The following DAB1 variants were observed in gnomAD, a reference collection of about 807,000 sequenced individuals.
The protein encoded by DAB1 is disabled homolog 1.
In DAB1, 15 loss-of-function variants were observed where a neutral mutation model predicts 64.6. The ratio of observed to expected loss-of-function variants is 0.23; its 90% confidence interval spans 0.16 to 0.36. The LOEUF is 0.36. DAB1 is among the 10% of genes least tolerant of loss of function. The pLI, the probability that DAB1 is intolerant of heterozygous loss-of-function variation, is 1.00. For synonymous variants in DAB1, 235 were observed against 251.9 expected (o/e 0.93, Z 0.64); for missense variants, 596 against 706.7 (o/e 0.84, Z 1.78).
At chr1:57,070,442 G>A (rs1651345590) in intron 7 of DAB1, among the ~76,000 whole-genome samples, 1 of 152,160 alleles carries the variant, frequency 6.6e-6, no homozygotes, top group Non-Finnish European at 1.5e-5. Context: ...CCACTGAGCT[G>A]CAGATCTTGA....
intron 5 of DAB1, among the ~76,000 whole-genome samples, chr1:57,959,723 G>A (rs1022763040): frequency 1.3e-5 from 2 of 152,150 alleles, no homozygotes; most frequent in Non-Finnish European, 2.9e-5. Context: ...CAGCATCTTT[G>A]CACTCCTTGC....
chr1:58,486,053 C>G (rs1645571023), intron 3 of DAB1, among the ~76,000 whole-genome samples: 1 of 152,200 alleles, frequency 6.6e-6, no homozygotes, highest in African/African-American at 2.4e-5. Context: ...ATCTACTGTT[C>G]ACTTTCTATG....
At chr1:57,309,834 G>A (rs2100728730) in intron 1 of DAB1, among the ~76,000 whole-genome samples, 1 of 152,340 alleles carries the variant, frequency 6.6e-6, no homozygotes, top group Non-Finnish European at 1.5e-5. Context: ...CACAAAGAAG[G>A]AAGGACAAAG....
At chr1:58,120,523 C>G (rs61779197) in intron 5 of DAB1, among the ~76,000 whole-genome samples, 2 of 152,154 alleles carry the variant, frequency 1.3e-5, no homozygotes, top group Non-Finnish European at 2.9e-5. Context: ...TATGCCAACA[C>G]CCTTAAGAAA....
At chr1:58,179,511 T>C (rs1656664605) in intron 4 of DAB1, among the ~76,000 whole-genome samples, 1 of 152,154 alleles carries the variant, frequency 6.6e-6, no homozygotes, top group Non-Finnish European at 1.5e-5. Context: ...CTCATTTTCT[T>C]TGCTTGTTTT....
At chr1:58,371,166 T>G (rs945586230) in intron 3 of DAB1, among the ~76,000 whole-genome samples, 5 of 152,208 alleles carry the variant, frequency 3.3e-5, no homozygotes, top group Non-Finnish European at 7.3e-5. Context: ...GATAGTGATA[T>G]GGACAATGAA....
intron 7 of DAB1, among the ~76,000 whole-genome samples, chr1:57,632,440 T>C (rs1390949971): frequency 6.6e-6 from 1 of 152,192 alleles, no homozygotes; most frequent in African/African-American, 2.4e-5. Flanking sequence ...ATCAGTACTC[T>C]ATGAGACTAG....
chr1:57,134,602 G>C (rs1218143799), intron 4 of DAB1, among the ~76,000 whole-genome samples: 5 of 146,824 alleles, frequency 3.4e-5, no homozygotes, highest in South Asian at 4.4e-4. Flanking sequence ...AGAATAATTT[G>C]TACAACAAAC....
At position 58,195,982 on chromosome 1, in the gene DAB1, C is replaced by T. The variant is rs550680588; in HGVS notation, n.310-45394G>A. Among the ~76,000 whole-genome samples the T allele has an allele frequency of 1.2e-3, 180 of 152,244 alleles. 3 individuals carry two copies. The South Asian group carries it at 0.014, about 12-fold the overall frequency. Reference sequence around the variant, plus strand: ...TCAGAAACTATCTGACTCCTTTACCCTTAAGAATTATTCTCTCCAGCCCCT... The same window carrying T: ...TCAGAAACTATCTGACTCCTTTACCTTTAAGAATTATTCTCTCCAGCCCCT... On this transcript the variant is annotated intron_variant and non_coding_transcript_variant, in intron 4 of 20. Transcript: ENST00000485760.
intron 7 of DAB1, among the ~76,000 whole-genome samples, chr1:57,532,173 C>T (rs1186157077): frequency 6.6e-6 from 1 of 152,070 alleles, no homozygotes; most frequent in Non-Finnish European, 1.5e-5. Flanking sequence ...GGTAACATTT[C>T]TCTTAGCAGT....
At chr1:58,120,713 C>T (rs994044700) in intron 5 of DAB1, among the ~76,000 whole-genome samples, 1 of 152,112 alleles carries the variant, frequency 6.6e-6, no homozygotes, top group Admixed American at 6.5e-5. Context: ...GAATTCAATA[C>T]TGAAATCAAT....
At chr1:57,262,389 C>T (rs1670246744) in intron 2 of DAB1, among the ~76,000 whole-genome samples, 1 of 152,180 alleles carries the variant, frequency 6.6e-6, no homozygotes, top group Non-Finnish European at 1.5e-5. Flanking sequence ...ACATTGGGTG[C>T]CATGGTTAAT....
chr1:57,429,722 C>T (rs1231118482), intron 7 of DAB1, among the ~76,000 whole-genome samples: 1 of 152,212 alleles, frequency 6.6e-6, no homozygotes, highest in East Asian at 1.9e-4. Context: ...GCAGTTTTCC[C>T]AACACCATTT....
At chr1:58,381,076 T>C (rs1229896987) in intron 3 of DAB1, among the ~76,000 whole-genome samples, 1 of 152,150 alleles carries the variant, frequency 6.6e-6, no homozygotes, top group Non-Finnish European at 1.5e-5. Context: ...TTTTCACTTA[T>C]AATTGGGAAC....
intron 7 of DAB1, among the ~76,000 whole-genome samples, chr1:57,443,932 G>A (rs1200217867): frequency 1.3e-5 from 2 of 152,250 alleles, no homozygotes; most frequent in South Asian, 2.1e-4. Flanking sequence ...TGATGATAAC[G>A]TGTTGAAAAC....
chr1:57,342,019 C>T (rs1677629830), intron 1 of DAB1, among the ~76,000 whole-genome samples: 1 of 152,224 alleles, frequency 6.6e-6, no homozygotes, highest in African/African-American at 2.4e-5. Flanking sequence ...ATCCTGAACA[C>T]AGCCCTTTGG....
intron 3 of DAB1, among the ~76,000 whole-genome samples, chr1:58,421,683 T>C (rs917087182): frequency 1.3e-5 from 2 of 152,086 alleles, no homozygotes; most frequent in African/African-American, 4.8e-5. Context: ...CCAGATGACA[T>C]ACTTGAAGAG....
chr1:58,211,497 G>C (rs1393193862), intron 4 of DAB1, among the ~76,000 whole-genome samples: 1 of 152,104 alleles, frequency 6.6e-6, no homozygotes, highest in Non-Finnish European at 1.5e-5. Context: ...ATGATTAGTT[G>C]ACAATTGCTA....
At chr1:57,795,690 GATATATATATATATATATATAT>G (rs3081038) in intron 6 of DAB1, among the ~76,000 whole-genome samples, 1,201 of 69,104 alleles carry the variant, frequency 0.017, 46 homozygotes, top group African/African-American at 0.028. Context: ...TATGCTTGGA[GATATATATATATATATATATAT>G]ATATATATAT....
Sources: gnomAD v4.1 joint callset for allele counts (sites outside exome capture counted in the v4.1 genomes callset) on GRCh38, gnomAD v4.1.1 for gene constraint, MANE v1.5 for transcripts, NCBI Gene and HGNC (gene_info 2026-07-23, HGNC 2026-07-21) for gene names.